The following PCDH9 variants were observed in gnomAD, a reference collection of about 807,000 sequenced individuals.
The protein encoded by PCDH9 is protocadherin 9.
PCDH9 carries 24 observed loss-of-function variants against 70.6 expected under a neutral mutation model. The ratio of observed to expected loss-of-function variants is 0.34; its 90% CI spans 0.25 to 0.48. PCDH9 has a LOEUF of 0.48. PCDH9 is among the 20% of genes least tolerant of loss of function. The probability of loss-of-function intolerance (pLI) is 0.99; values close to 1 mark genes in which losing one functional copy is unlikely to be tolerated. For missense variants in PCDH9, 1,281 were observed against 1,503.6 expected, an observed-to-expected ratio of 0.85 and a Z score of 2.45; for synonymous variants, 562 against 558.5, an observed-to-expected ratio of 1.01 and a Z score of -0.09.
intron 3 of PCDH9, among the ~76,000 whole-genome samples, chr13:66,649,418 C>G (rs1470582469): frequency 6.6e-6 from 1 of 150,622 alleles, no homozygotes; most frequent in African/African-American, 2.4e-5. Context: ...ATTTGAAGTG[C>G]AAAAGAAAAA....
intron 3 of PCDH9, among the ~76,000 whole-genome samples, chr13:66,722,109 G>C (rs536944708): frequency 7.4e-4 from 113 of 152,316 alleles, no homozygotes; most frequent in African/African-American, 2.6e-3. Context: ...GAGTGACCTA[G>C]ATAATCACGG....
intron 3 of PCDH9, among the ~76,000 whole-genome samples, chr13:66,871,228 G>A (rs1242942140): frequency 6.7e-6 from 1 of 150,150 alleles, no homozygotes; most frequent in Non-Finnish European, 1.5e-5. Flanking sequence ...TCACACTCTG[G>A]GGACTGTTGT....
In PCDH9 at chr13:66,767,206, C is replaced by T. The variant is rs961942710; in HGVS notation, c.3139-135795G>A. Reference sequence around the variant, plus strand: ...CTGAAACACACAATGACAGTGACTTCCCGGCACTGTGCTGGGGAGATGGTC... The same window carrying T: ...CTGAAACACACAATGACAGTGACTTTCCGGCACTGTGCTGGGGAGATGGTC... On this transcript the variant is annotated intron_variant, in intron 3 of 4. Coordinates refer to ENST00000377865, the MANE Select transcript of PCDH9 (RefSeq NM_203487.3). Among the ~76,000 whole-genome samples the T allele has an allele frequency of 6.6e-5, 10 of 151,140 alleles. No homozygotes were observed. The East Asian group carries it at 1.4e-3, about 20-fold the overall frequency.
intron 4 of PCDH9, among the ~76,000 whole-genome samples, chr13:66,555,175 TA>T (rs1336382770): frequency 1.3e-5 from 2 of 151,920 alleles, no homozygotes; most frequent in East Asian, 3.9e-4. Context: ...GTCTCAAAAA[TA>T]AATAAATAAA....
intron 2 of PCDH9, among the ~76,000 whole-genome samples, chr13:67,095,190 G>C (rs905054923): frequency 2.0e-5 from 3 of 151,994 alleles, no homozygotes; most frequent in African/African-American, 4.8e-5. Context: ...ACTGTTACTT[G>C]CATTCCAATT....
At chr13:66,380,762 C>T (rs1244702926) in intron 4 of PCDH9, among the ~76,000 whole-genome samples, 1 of 152,034 alleles carries the variant, frequency 6.6e-6, no homozygotes, top group Non-Finnish European at 1.5e-5. Flanking sequence ...CCAGGATGGT[C>T]TCGATCTCCT....
At position 67,031,424 on chromosome 13, in the gene PCDH9, G is replaced by T. The variant is rs889562183; in HGVS notation, c.3037-127819C>A. On this transcript the variant is annotated intron_variant, in intron 2 of 4. Transcript: ENST00000377865. ...CAATGTTTATAATATAATTATACAG[G>T]CCAGGCGAGGTGGTTCATGTCTGTA... Among the ~76,000 whole-genome samples the T allele has an allele frequency of 4.6e-5, 7 of 152,148 alleles. No homozygotes were observed. The South Asian group carries it at 1.5e-3, about 32-fold the overall frequency.
intron 4 of PCDH9, among the ~76,000 whole-genome samples, chr13:66,612,931 T>A (rs754139649): frequency 6.6e-6 from 1 of 152,120 alleles, no homozygotes; most frequent in Non-Finnish European, 1.5e-5. Context: ...CCATCTTTAG[T>A]TGAACTAAGG....
At chr13:66,961,859 T>C (rs1476666087) in intron 2 of PCDH9, among the ~76,000 whole-genome samples, 1 of 152,058 alleles carries the variant, frequency 6.6e-6, no homozygotes, top group Non-Finnish European at 1.5e-5. Flanking sequence ...GAGACCAGCC[T>C]GACCAACATG....
intron 4 of PCDH9, among the ~76,000 whole-genome samples, chr13:66,607,431 A>G (rs2138860758): frequency 6.6e-6 from 1 of 152,242 alleles, no homozygotes; most frequent in Admixed American, 6.5e-5. Flanking sequence ...CTATCATTAA[A>G]CATGTTGTGG....
At chr13:66,796,943 A>G (rs369696510) in intron 3 of PCDH9, among the ~76,000 whole-genome samples, 98 of 152,244 alleles carry the variant, frequency 6.4e-4, no homozygotes, top group African/African-American at 2.3e-3. Context: ...ATGGGTGAGC[A>G]CTGGAGAAAA....
At chr13:66,561,697 C>A (rs929311533) in intron 4 of PCDH9, among the ~76,000 whole-genome samples, 11 of 152,048 alleles carry the variant, frequency 7.2e-5, no homozygotes, top group African/African-American at 2.7e-4. Flanking sequence ...CTGTATCTAG[C>A]TAATCTAGTG....
chr13:66,539,784 C>CA (rs1173250725), intron 4 of PCDH9, among the ~76,000 whole-genome samples: 1 of 151,566 alleles, frequency 6.6e-6, no homozygotes, highest in Non-Finnish European at 1.5e-5. Flanking sequence ...GCTGCCTCCC[C>CA]AAAAATTATT....
At chr13:66,829,105 C>G (rs1030784554) in intron 3 of PCDH9, among the ~76,000 whole-genome samples, 2 of 152,036 alleles carry the variant, frequency 1.3e-5, no homozygotes, top group Non-Finnish European at 2.9e-5. Context: ...GCAACCTCCG[C>G]CTCCTGGGTT....
intron 2 of PCDH9, chr13:66,914,466 T>C (rs1017821108): frequency 2.0e-5 from 3 of 151,874 alleles, no homozygotes; most frequent in Non-Finnish European, 2.9e-5. Context: ...CCTCATGAAA[T>C]TGTTTTCCTG....
chr13:66,801,306 C>T (rs1308998899), intron 3 of PCDH9, among the ~76,000 whole-genome samples: 2 of 151,922 alleles, frequency 1.3e-5, no homozygotes, highest in South Asian at 2.1e-4. Flanking sequence ...AAGTAGTGAC[C>T]AATAGAAAAT....
At chr13:67,050,978 A>G (rs2085310259) in intron 2 of PCDH9, among the ~76,000 whole-genome samples, 1 of 152,238 alleles carries the variant, frequency 6.6e-6, no homozygotes, top group South Asian at 2.1e-4. Context: ...TAAAAGCTCA[A>G]CAAGCAATAG....
At chr13:66,490,445 A>G (rs1339383902) in intron 4 of PCDH9, among the ~76,000 whole-genome samples, 2 of 152,132 alleles carry the variant, frequency 1.3e-5, no homozygotes, top group African/African-American at 4.8e-5. Context: ...AAATCTGTGG[A>G]CCTTAAAAAC....
intron 2 of PCDH9, chr13:66,977,590 C>G (rs2083647105): frequency 6.6e-6 from 1 of 152,140 alleles, no homozygotes; most frequent in Non-Finnish European, 1.5e-5. Context: ...CTTCTCTATT[C>G]TGGCTTTCCG....
Sources: allele counts gnomAD v4.1 joint callset (sites outside exome capture counted in the v4.1 genomes callset), GRCh38; gene constraint gnomAD v4.1.1; transcripts MANE v1.5; gene names NCBI Gene and HGNC (gene_info 2026-07-23, HGNC 2026-07-21).